The following BLVRA variants were observed in gnomAD, a reference collection of about 807,000 sequenced individuals.
BLVRA encodes BVR A.
BLVRA carries 22 observed loss-of-function variants against 32.8 expected under a neutral mutation model. That is an observed-to-expected ratio of 0.67 (90% CI 0.48 to 0.96). BLVRA has a LOEUF of 0.96. BLVRA is among the 40% of genes least tolerant of loss of function. BLVRA has a pLI of 0.00. For missense variants in BLVRA, 323 were observed against 358.1 expected, an observed-to-expected ratio of 0.90 and a Z score of 0.79; for synonymous variants, 119 against 141.3, an observed-to-expected ratio of 0.84 and a Z score of 1.12.
At chr7:43,783,504 A>C (rs1340723946) in intron 2 of BLVRA, among the ~76,000 whole-genome samples, 3 of 152,164 alleles carry the variant, frequency 2.0e-5, no homozygotes, top group African/African-American at 7.2e-5. Flanking sequence ...TTATATTGCC[A>C]TGTAATACTC....
chr7:43,773,363 C>G (rs897968859), intron 2 of BLVRA, among the ~76,000 whole-genome samples: 1 of 151,972 alleles, frequency 6.6e-6, no homozygotes, highest in Non-Finnish European at 1.5e-5. Flanking sequence ...TGTTCAATTC[C>G]CACCTATCAG....
At chr7:43,771,913 G>A (rs966272983) in intron 2 of BLVRA, among the ~76,000 whole-genome samples, 3 of 152,282 alleles carry the variant, frequency 2.0e-5, no homozygotes, top group African/African-American at 4.8e-5. Flanking sequence ...TGTCCTCCTC[G>A]AAGGTCCCCC....
chr7:43,788,664 C>T (rs528741901), intron 3 of BLVRA, among the ~76,000 whole-genome samples: 1 of 152,256 alleles, frequency 6.6e-6, no homozygotes, highest in East Asian at 1.9e-4. Flanking sequence ...AGCTGCAGCG[C>T]AATGGTGCAA....
intron 2 of BLVRA, among the ~76,000 whole-genome samples, chr7:43,782,661 GGA>G (rs2095771375): frequency 6.6e-6 from 1 of 152,044 alleles, no homozygotes; most frequent in Non-Finnish European, 1.5e-5. Context: ...TGGGGACATG[GGA>G]GAGAGAGAAA....
intron 2 of BLVRA, among the ~76,000 whole-genome samples, chr7:43,778,500 C>T (rs2095764357): frequency 6.6e-6 from 1 of 152,204 alleles, no homozygotes; most frequent in Admixed American, 6.5e-5. Flanking sequence ...AATGCTGCTG[C>T]CTGATCGGTC....
chr7:43,795,343 C>G (rs1392598037), intron 5 of BLVRA, among the ~76,000 whole-genome samples: 1 of 152,058 alleles, frequency 6.6e-6, no homozygotes. Context: ...TGGTGAAACC[C>G]CATCTCTACT....
chr7:43,787,746 C>T lies in BLVRA; in HGVS notation c.13-158C>T, dbSNP rs1057203654. ...CTGACTTCTCTCCAAGCCCCCATTT[C>T]GGGGACTGTCTCATCCCATCCTGAT... On this transcript the variant is annotated intron_variant, in intron 2 of 7. Coordinates refer to ENST00000265523, the MANE Select transcript of BLVRA (RefSeq NM_000712.4). This position sits in a 1 kb window ranked among gnomAD's most constrained non-coding sequence, Gnocchi z 4.5. 1.3e-5 allele frequency among the ~76,000 whole-genome samples: 2 copies of T among 152,172 alleles called. No individual in the cohort carries two copies. The highest frequency in any genetic ancestry group is 2.9e-5 in the Non-Finnish European group (2 of 68,018).
intron 2 of BLVRA, among the ~76,000 whole-genome samples, chr7:43,783,990 C>A (rs1387191354): frequency 6.8e-6 from 1 of 147,078 alleles, no homozygotes; most frequent in Non-Finnish European, 1.5e-5. Flanking sequence ...TGGCAGAGCA[C>A]ATTCCTAACT....
intron 1 of BLVRA, among the ~76,000 whole-genome samples, chr7:43,764,809 A>G (rs1263196740): frequency 9.5e-6 from 1 of 105,488 alleles, no homozygotes; most frequent in Non-Finnish European, 2.4e-5. Context: ...TTAAAGTGAT[A>G]TGTTAGCACA....
chr7:43,765,058 A>T (rs544269473), intron 1 of BLVRA, among the ~76,000 whole-genome samples: 1 of 152,338 alleles, frequency 6.6e-6, no homozygotes, highest in South Asian at 2.1e-4. Context: ...TAAAGGCTCA[A>T]ACTCCAAGAC....
At chr7:43,791,974 C>A in intron 4 of BLVRA, 1 of 158,010 alleles carries the variant, frequency 6.3e-6, no homozygotes, top group South Asian at 1.8e-4. Flanking sequence ...AACACCTCTC[C>A]TTGGCTTTCC....
chr7:43,776,283 C>G (rs1449239793), intron 2 of BLVRA, among the ~76,000 whole-genome samples: 3 of 152,144 alleles, frequency 2.0e-5, no homozygotes, highest in Non-Finnish European at 4.4e-5. Flanking sequence ...GCATTTAGTG[C>G]TATAAATTTC....
Position 43,797,174 on chromosome 7 carries a change from G to A in BLVRA, c.353-3291G>A, listed in dbSNP as rs193229865. ...CTTGAACGCAGTGGCGCAAACCTCC[G>A]CCTCCTGGGTTCAAGTGATTCTTGT... On this transcript the variant is annotated intron_variant, in intron 5 of 7. Transcript: ENST00000265523. 3.6e-4 allele frequency among the ~76,000 whole-genome samples: 55 copies of A among 152,270 alleles called. 1 individual carries two copies. The East Asian group carries it at 8.9e-3, about 25-fold the overall frequency.
rs750227587 is a variant in BLVRA at position 43,800,467 on chromosome 7, A to G, written c.355A>G (p.Lys119Glu). 4 of 1,614,048 alleles carry G rather than the reference A, an allele frequency of 2.5e-6. No homozygotes were observed. The highest frequency in any genetic ancestry group is 3.3e-5 in the Admixed American group (2 of 60,016). Residue 119 changes from lysine to glutamate, a missense_variant and splice_region_variant, in exon 6 of 8, where the codon AAA becomes GAA. Lys to Glu is a moderately conservative substitution (Grantham distance 56). Transcript: ENST00000265523. ...ELWELAEQKG[K>E]VLHEEHVELL... ...TTATTCCATTTTTGTCGTTACAGGA[A>G]AAGTCTTGCACGAGGAGCATGTTGA... is the stretch of plus-strand genomic sequence containing the variant.
At chr7:43,763,194 G>A (rs778233835) in intron 1 of BLVRA, among the ~76,000 whole-genome samples, 21 of 152,262 alleles carry the variant, frequency 1.4e-4, no homozygotes, top group Non-Finnish European at 2.1e-4. Flanking sequence ...GGTTTGAAGG[G>A]GTAGGGAGGG....
intron 3 of BLVRA, among the ~76,000 whole-genome samples, chr7:43,789,810 C>T (rs898161132): frequency 1.3e-5 from 2 of 152,046 alleles, no homozygotes; most frequent in Non-Finnish European, 2.9e-5. Context: ...CTTTCCCACC[C>T]TGAGTCTCCA....
intron 7 of BLVRA, among the ~76,000 whole-genome samples, chr7:43,806,269 AC>A (rs1220197768): frequency 1.3e-5 from 2 of 152,160 alleles, no homozygotes; most frequent in Non-Finnish European, 2.9e-5. Context: ...CCGAGATTGC[AC>A]CACTGCACTC....
Position 43,778,126 on chromosome 7 carries a change from G to A in BLVRA, c.12+6956G>A, listed in dbSNP as rs541832895. Among the ~76,000 whole-genome samples the A allele has an allele frequency of 2.0e-5, 3 of 152,228 alleles. No individual in the cohort carries two copies. The East Asian group carries it at 5.8e-4, about 29-fold the overall frequency. On this transcript the variant is annotated intron_variant, in intron 2 of 7. Transcript: ENST00000265523. Reference sequence around the variant, plus strand: ...GCTCAGAGTAGTTTGATCATCTGAAGCCTTCTTCTCTCAACTCATCAAAGC... The same window carrying A: ...GCTCAGAGTAGTTTGATCATCTGAAACCTTCTTCTCTCAACTCATCAAAGC...
intron 5 of BLVRA, among the ~76,000 whole-genome samples, chr7:43,794,290 G>C (rs932951124): frequency 6.6e-6 from 1 of 152,018 alleles, no homozygotes; most frequent in African/African-American, 2.4e-5. Flanking sequence ...CAAGTGAGTT[G>C]ATCACTACTA....
Sources: allele counts gnomAD v4.1 joint callset (sites outside exome capture counted in the v4.1 genomes callset), GRCh38; gene constraint gnomAD v4.1.1; non-coding constraint Gnocchi (gnomAD v3.1); transcripts MANE v1.5; gene names NCBI Gene and HGNC (gene_info 2026-07-23, HGNC 2026-07-21).